MED13: variants seen among roughly 807,000 people sequenced by gnomAD.
MED13 encodes the protein mediator of RNA polymerase II transcription subunit 13.
In MED13, 23 loss-of-function variants were observed where a neutral mutation model predicts 225.2. The observed-to-expected ratio is 0.10, with a 90% confidence interval of 0.07 to 0.14. The LOEUF is 0.14. Among genes scored for constraint, MED13 ranks in the 10% least tolerant of loss-of-function variants. The pLI, the probability that MED13 is intolerant of heterozygous loss-of-function variation, is 1.00. For synonymous variants in MED13, 942 were observed against 889.2 expected (o/e 1.06, Z -1.06); for missense variants, 2,197 against 2,594.5 (o/e 0.85, Z 3.33).
chr17:61,947,056 G>T, intron 28 of MED13, 39 bp from the exon 29 acceptor site: 1 of 1,381,536 alleles, frequency 7.2e-7, no homozygotes, highest in Non-Finnish European at 1.0e-6. Flanking sequence ...CAGCCAAACA[G>T]AAAATAATCT....
chr17:61,985,333 C>T (rs1393875799), intron 12 of MED13, among the ~76,000 whole-genome samples: 1 of 151,950 alleles, frequency 6.6e-6, no homozygotes, highest in Non-Finnish European at 1.5e-5. Flanking sequence ...AGAAAATGAC[C>T]AATACTTTCA....
At chr17:62,011,542 G>A (rs1248811631) in intron 8 of MED13, among the ~76,000 whole-genome samples, 1 of 152,170 alleles carries the variant, frequency 6.6e-6, no homozygotes, top group Non-Finnish European at 1.5e-5. Context: ...ATAGAGGTAA[G>A]ATTCTAGTTA....
At chr17:61,950,732 A>G (rs995826239) in intron 28 of MED13, 93 bp downstream of exon 28, 3 of 1,270,560 alleles carry the variant, frequency 2.4e-6, no homozygotes, top group South Asian at 1.5e-5. Context: ...GAACTTAGAC[A>G]AGCTATAAGA....
chr17:62,029,369 C>T, intron 8 of MED13, 172 bp downstream of exon 8: 1 of 585,592 alleles, frequency 1.7e-6, no homozygotes, highest in Admixed American at 3.2e-5. Flanking sequence ...CTTATATTTA[C>T]ATGTACTTCT....
intron 9 of MED13, among the ~76,000 whole-genome samples, chr17:61,999,840 G>A (rs1025028952): frequency 2.6e-5 from 4 of 152,026 alleles, no homozygotes; most frequent in Admixed American, 6.6e-5. Flanking sequence ...TAGCATCACC[G>A]GAGACCAGGA....
intron 11 of MED13, among the ~76,000 whole-genome samples, chr17:61,991,795 ACT>A (rs2080301662): frequency 6.6e-6 from 1 of 152,088 alleles, no homozygotes; most frequent in Non-Finnish European, 1.5e-5. Flanking sequence ...GGTGTGAGCC[ACT>A]GTGCCCGGCC....
rs1603405500 is a variant in MED13 at position 62,031,641 on chromosome 17, G to A, written c.815-3C>T. On this transcript the variant is annotated splice_polypyrimidine_tract_variant and splice_region_variant and intron_variant, in intron 5 of 29. Coordinates refer to ENST00000397786, the MANE Select transcript of MED13 (RefSeq NM_005121.3). ...TGGGTAGATCATTCGGACACCAGCTGAAAGGAAAAAAATGGGACAGGAAAA... is the reference window on the plus strand; with the variant it reads ...TGGGTAGATCATTCGGACACCAGCTAAAAGGAAAAAAATGGGACAGGAAAA... The A allele has an allele frequency of 2.6e-6, 4 of 1,528,150 alleles. No individual in the cohort carries two copies. The highest frequency in any genetic ancestry group is 2.8e-5 in the African/African-American group (2 of 71,716). 94.7% of individuals were successfully genotyped at this position (1,528,150 alleles called of 1,614,324 possible). A position where few individuals can be genotyped will look rare whatever the true frequency, so the allele number is the denominator to read the frequency against.
At position 61,982,658 on chromosome 17, in the gene MED13, C is replaced by A. The variant is rs763773894; in HGVS notation, c.3345G>T (p.Thr1115=). ...AGGTACACCTATATTGTGCTTCCTG[C>A]GTTGGATCTGGAATGTAAACTCCAA... The part of the protein sequence containing the change: ...ADVGVYIPDP[T]QEAQYRCTCG... The change falls in exon 16 of 30, where the codon ACG becomes ACT. Residue 1115 remains threonine, a synonymous_variant. Transcript: ENST00000397786. 6.2e-7 allele frequency: 1 copy of A among 1,614,094 alleles called. No individual in the cohort carries two copies. The highest frequency in any genetic ancestry group is 2.2e-5 in the East Asian group (1 of 44,894).
intron 29 of MED13, 133 bp from the exon 30 acceptor site, chr17:61,946,733 G>C: frequency 8.3e-7 from 1 of 1,203,946 alleles, no homozygotes; most frequent in Non-Finnish European, 1.2e-6. Context: ...TGAGGGGAAA[G>C]AAGCAATTTC....
At chr17:62,059,724 T>C (rs4968469) in intron 2 of MED13, among the ~76,000 whole-genome samples, 57,525 of 151,968 alleles carry the variant, frequency 0.38, 13,452 homozygotes, top group East Asian at 0.73. Context: ...AAGAGGGAGG[T>C]AGACGCTGTC....
intron 11 of MED13, among the ~76,000 whole-genome samples, chr17:61,989,774 C>A (rs2080279493): frequency 6.6e-6 from 1 of 152,256 alleles, no homozygotes; most frequent in Non-Finnish European, 1.5e-5. Flanking sequence ...CTTGGCCTTG[C>A]AGCAGACTTT....
intron 8 of MED13, among the ~76,000 whole-genome samples, chr17:62,022,739 G>A (rs535358713): frequency 5.6e-4 from 86 of 152,314 alleles, no homozygotes; most frequent in African/African-American, 2.0e-3. Context: ...GCCAGGCATG[G>A]TGGCTCATGC....
rs1248632670 is a variant in MED13 at position 61,972,910 on chromosome 17, C to T, written c.3806-22G>A. On this transcript the variant is annotated intron_variant, in intron 16 of 29. Transcript: ENST00000397786. ...ACATCTACAAGCATTTTAAAAAAAA[C>T]AAGTAATTAAGAATTGCTATTGCCA... 1.9e-6 allele frequency: 3 copies of T among 1,560,264 alleles called. No individual in the cohort carries two copies. The African/African-American group carries it at 4.2e-5, about 22-fold the overall frequency.
rs2081054778 is a variant in MED13 at position 62,063,150 on chromosome 17, T to C, written c.218A>G (p.Gln73Arg). ...ADVLGVWRRDQRPGRRELWIF... is the reference protein window; with the variant it reads ...ADVLGVWRRDRRPGRRELWIF... ...CCACAATTCTCTTCTTCCAGGTCTTTGATCTCGCCGCCAAACACCAAGTAC... is the reference window on the plus strand; with the variant it reads ...CCACAATTCTCTTCTTCCAGGTCTTCGATCTCGCCGCCAAACACCAAGTAC... The change falls in exon 2 of 30, where the codon CAA (glutamine) becomes CGA (arginine). Residue 73 changes from glutamine to arginine, a missense_variant. Physicochemically the swap from Gln to Arg is conservative, Grantham distance 43. This residue lies in a region of MED13 where 884 missense variants were observed against 918.5 expected (regional missense o/e 0.96). Transcript: ENST00000397786. 6.2e-7 allele frequency: 1 copy of C among 1,614,094 alleles called. No individual in the cohort carries two copies. The highest frequency in any genetic ancestry group is 8.5e-7 in the Non-Finnish European group (1 of 1,180,026).
rs1292579374 is a variant in MED13, at chr17:61,943,633, A to G, written c.*2835T>C. The G allele has an allele frequency of 2.0e-5, 3 of 152,650 alleles. No homozygotes were observed. The highest frequency in any genetic ancestry group is 4.8e-5 in the African/African-American group (2 of 41,470). The allele number at this position is 152,650 out of a possible 1,614,324, so 9.5% of individuals were successfully genotyped here. A position where few individuals can be genotyped will look rare whatever the true frequency, so the allele number is the denominator to read the frequency against. ...CTACTTTAAAATTTAAGGATTACAT[A>G]TAAGTACACTTGGTGGCCTTCTGGC... On this transcript the variant is annotated 3_prime_UTR_variant, in exon 30 of 30. Transcript: ENST00000397786.
At position 62,052,698 on chromosome 17, in the gene MED13, T is replaced by A. The variant is rs747909957; in HGVS notation, c.309A>T (p.Glu103Asp). 1.9e-6 allele frequency: 3 copies of A among 1,559,074 alleles called. No homozygotes were observed. The highest frequency in any genetic ancestry group is 8.7e-7 in the Non-Finnish European group (1 of 1,151,006). Residue 103 changes from glutamate (E) to aspartate (D), a missense_variant, in exon 3 of 30, where the codon GAA becomes GAT. By Grantham distance (45) the Glu-to-Asp change is conservative. This residue lies in a region of MED13 where 884 missense variants were observed against 918.5 expected (regional missense o/e 0.96). Coordinates refer to ENST00000397786, the MANE Select transcript of MED13 (RefSeq NM_005121.3). ...AAAGTCCATTCTCCCACACTCCATC[T>A]TCTTCTTCTAAAAGAGAAATGAAGG... ...DLIHHDLSEE[E>D]DGVWENGLSY...
chr17:62,035,363 G>T (rs2080793290), intron 4 of MED13, 100 bp downstream of exon 4: 1 of 1,011,862 alleles, frequency 9.9e-7, no homozygotes, highest in Non-Finnish European at 1.4e-6. Context: ...TTAGGCTAAA[G>T]ATCAGGGGGA....
chr17:62,050,239 T>C (rs1032444667), intron 3 of MED13, among the ~76,000 whole-genome samples: 5 of 151,490 alleles, frequency 3.3e-5, no homozygotes, highest in Admixed American at 2.0e-4. Context: ...ACGCCTGTAA[T>C]CCCAGCTACT....
At chr17:62,042,560 C>T (rs78699428) in intron 3 of MED13, among the ~76,000 whole-genome samples, 2 of 60,302 alleles carry the variant, frequency 3.3e-5, no homozygotes, top group Non-Finnish European at 7.0e-5. Flanking sequence ...GGTTTCATCT[C>T]AAAAAAAAAA....
Sources: allele counts gnomAD v4.1 joint callset (sites outside exome capture counted in the v4.1 genomes callset), GRCh38; gene constraint gnomAD v4.1.1; regional missense constraint gnomAD v4.1.1; transcripts MANE v1.5; gene names NCBI Gene and HGNC (gene_info 2026-07-23, HGNC 2026-07-21).